The following NRCAM variants were observed in gnomAD, a reference collection of about 807,000 sequenced individuals.
NRCAM encodes the protein NgCAM-related cell adhesion molecule.
A neutral mutation model predicts 156.5 loss-of-function variants in NRCAM; 83 were observed. The observed-to-expected ratio is 0.53, with a 90% CI of 0.44 to 0.64. The LOEUF (loss-of-function observed/expected upper bound fraction) is 0.64. NRCAM is among the 30% of genes least tolerant of loss of function. NRCAM has a pLI of 0.00. For synonymous variants in NRCAM, 538 were observed against 563.9 expected (o/e 0.95, Z 0.65); for missense variants, 1,417 against 1,597.3 (o/e 0.89, Z 1.92).
At chr7:108,441,654 C>A (rs1258588834) in intron 1 of NRCAM, among the ~76,000 whole-genome samples, 1 of 152,236 alleles carries the variant, frequency 6.6e-6, no homozygotes, top group Non-Finnish European at 1.5e-5. Context: ...AGCTCTGCAA[C>A]TTAGCAGCTA....
At chr7:108,231,240 T>A in intron 7 of NRCAM, 87 bp from the exon 8 acceptor site, 1 of 905,972 alleles carries the variant, frequency 1.1e-6, no homozygotes, top group Non-Finnish European at 1.6e-6. Flanking sequence ...AACTGAAGTT[T>A]TGGAGAAATA....
intron 31 of NRCAM, among the ~76,000 whole-genome samples, chr7:108,159,893 T>A (rs2047836957): frequency 6.6e-6 from 1 of 152,162 alleles, no homozygotes; most frequent in Non-Finnish European, 1.5e-5. Flanking sequence ...TTTTTTCTTG[T>A]CACTGAAGGG....
chr7:108,149,364 T>C lies in NRCAM; in HGVS notation c.*546A>G, dbSNP rs1438261198. 6.5e-6 allele frequency: 1 copy of C among 154,998 alleles called. No homozygotes were observed. The highest frequency in any genetic ancestry group is 1.4e-5 in the Non-Finnish European group (1 of 69,696). The allele number at this position is 154,998 out of a possible 1,614,324, so 9.6% of individuals were successfully genotyped here. ...ATAATGAACTCATTTAGCAAGTATA[T>C]ACTGTACAAACTGTTCCTAACAGTC... On this transcript the variant is annotated 3_prime_UTR_variant, in exon 33 of 33. Coordinates refer to ENST00000379028, the MANE Select transcript of NRCAM (RefSeq NM_001037132.4).
intron 1 of NRCAM, among the ~76,000 whole-genome samples, chr7:108,452,329 T>C (rs1851328267): frequency 1.3e-5 from 2 of 152,198 alleles, no homozygotes; most frequent in African/African-American, 4.8e-5. Flanking sequence ...TTTCACAATG[T>C]ATACATATAT....
intron 20 of NRCAM, among the ~76,000 whole-genome samples, chr7:108,187,740 G>A (rs1735498): frequency 0.73 from 110,837 of 151,586 alleles, 41,896 homozygotes; most frequent in East Asian, 0.97. Flanking sequence ...TCACGAGGTC[G>A]GGAGATTGAG....
chr7:108,312,258 C>CT (rs1179728986), intron 3 of NRCAM, among the ~76,000 whole-genome samples: 2 of 152,234 alleles, frequency 1.3e-5, no homozygotes, highest in African/African-American at 4.8e-5. Flanking sequence ...ATGGTATACC[C>CT]TCAGGAGACT....
chr7:108,243,174 T>C (rs2153820893), intron 3 of NRCAM: 1 of 152,246 alleles, frequency 6.6e-6, no homozygotes. Flanking sequence ...GTCTCTAGTG[T>C]AGATTCTGTT....
At chr7:108,275,648 C>T (rs192982857) in intron 3 of NRCAM, among the ~76,000 whole-genome samples, 33 of 152,132 alleles carry the variant, frequency 2.2e-4, no homozygotes, top group African/African-American at 6.0e-4. Context: ...GTCTTGCAGG[C>T]GGTCTCTCAA....
chr7:108,213,404 G>C (rs1312765410), intron 11 of NRCAM, among the ~76,000 whole-genome samples: 1 of 152,130 alleles, frequency 6.6e-6, no homozygotes, highest in East Asian at 1.9e-4. Flanking sequence ...ATGAATGCAA[G>C]GGTATCTCAC....
chr7:108,425,947 A>G (rs1209309154), intron 1 of NRCAM, among the ~76,000 whole-genome samples: 1 of 152,202 alleles, frequency 6.6e-6, no homozygotes, highest in African/African-American at 2.4e-5. Flanking sequence ...CTTTCTTTCG[A>G]GTCTAGAGCA....
chr7:108,390,785 T>C (rs368110466), intron 2 of NRCAM, among the ~76,000 whole-genome samples: 6 of 152,222 alleles, frequency 3.9e-5, no homozygotes, highest in African/African-American at 9.6e-5. Context: ...TTTGTTCTCA[T>C]TGGTTTCAAA....
chr7:108,268,637 G>GGGGGGGGGGGGAA (rs2097209664), intron 3 of NRCAM, among the ~76,000 whole-genome samples: 1 of 48,590 alleles, frequency 2.1e-5, no homozygotes, highest in Non-Finnish European at 4.0e-5. Context: ...GGGGGGGGTT[G>GGGGGGGGGGGGAA]GGGGGGGCGG....
chr7:108,322,945 CCT>C (rs981528199), intron 2 of NRCAM, among the ~76,000 whole-genome samples: 20 of 152,262 alleles, frequency 1.3e-4, no homozygotes, highest in African/African-American at 4.3e-4. Flanking sequence ...CAAATTACTT[CCT>C]CTCTGTGTAC....
chr7:108,406,304 CTGTAGGCTGACA>C (rs2154403283), intron 1 of NRCAM, among the ~76,000 whole-genome samples: 1 of 152,280 alleles, frequency 6.6e-6, no homozygotes, highest in East Asian at 1.9e-4. Flanking sequence ...TTGAGCACAT[CTGTAGGCTGACA>C]TGTAATAAGA....
At chr7:108,292,066 C>A (rs1422523115) in intron 3 of NRCAM, among the ~76,000 whole-genome samples, 1 of 152,186 alleles carries the variant, frequency 6.6e-6, no homozygotes, top group Non-Finnish European at 1.5e-5. Flanking sequence ...AAATATACAC[C>A]CAGTTTTGCA....
chr7:108,388,460 C>T (rs2099748646), intron 2 of NRCAM, among the ~76,000 whole-genome samples: 1 of 152,088 alleles, frequency 6.6e-6, no homozygotes, highest in African/African-American at 2.4e-5. Flanking sequence ...TGGATATTAG[C>T]CCTTTGTCAG....
At chr7:108,218,436 T>C (rs2090649138) in intron 11 of NRCAM, among the ~76,000 whole-genome samples, 1 of 152,128 alleles carries the variant, frequency 6.6e-6, no homozygotes, top group African/African-American at 2.4e-5. Flanking sequence ...GGAACTTTCT[T>C]GAAGATGGAC....
chr7:108,253,939 C>CA (rs1435078052), intron 3 of NRCAM, among the ~76,000 whole-genome samples: 2 of 152,128 alleles, frequency 1.3e-5, no homozygotes, highest in Non-Finnish European at 2.9e-5. Flanking sequence ...TATCACTACC[C>CA]CAACCACGAA....
chr7:108,412,827 C>T (rs1312659337), intron 1 of NRCAM, among the ~76,000 whole-genome samples: 2 of 152,154 alleles, frequency 1.3e-5, no homozygotes, highest in African/African-American at 4.8e-5. Flanking sequence ...GCTTATTTCA[C>T]TAAACATAAT....
Sources: gnomAD v4.1 joint callset for allele counts (sites outside exome capture counted in the v4.1 genomes callset) on GRCh38, gnomAD v4.1.1 for gene constraint, MANE v1.5 for transcripts, NCBI Gene and HGNC (gene_info 2026-07-23, HGNC 2026-07-21) for gene names.